LNX1: variants seen among roughly 807,000 people sequenced by gnomAD.
LNX1 encodes the protein ligand of numb-protein X 1.
Under a neutral mutation model 68.4 loss-of-function variants are expected in LNX1, and 54 were observed. The observed-to-expected ratio is 0.79, with a 90% confidence interval of 0.63 to 0.99. The LOEUF is 0.99. Ranked by LOEUF, LNX1 falls within the 50% of genes least tolerant of loss-of-function variation. LNX1 has a pLI of 0.00. For missense variants in LNX1, 906 were observed against 926.4 expected (o/e 0.98, Z 0.29); for synonymous variants, 336 against 350.0 (o/e 0.96, Z 0.45).
intron 4 of LNX1, among the ~76,000 whole-genome samples, chr4:53,504,269 A>C (rs1725718239): frequency 6.6e-6 from 1 of 152,250 alleles, no homozygotes; most frequent in Non-Finnish European, 1.5e-5. Context: ...GCTTCGCTAC[A>C]ATCTGCATTT....
chr4:53,548,112 G>A (rs1056551570), intron 2 of LNX1, among the ~76,000 whole-genome samples: 1 of 133,602 alleles, frequency 7.5e-6, no homozygotes, highest in African/African-American at 3.0e-5. Context: ...CACAGAAGGA[G>A]TGATGGTTGA....
chr4:53,577,198 A>G (rs1731547286), intron 1 of LNX1, among the ~76,000 whole-genome samples: 1 of 152,226 alleles, frequency 6.6e-6, no homozygotes, highest in Non-Finnish European at 1.5e-5. Context: ...ACAAACATGA[A>G]AATGGAAATG....
At chr4:53,464,235 C>T (rs1407376908) in intron 9 of LNX1, among the ~76,000 whole-genome samples, 1 of 152,024 alleles carries the variant, frequency 6.6e-6, no homozygotes, top group Non-Finnish European at 1.5e-5. Context: ...TGAACTATGA[C>T]CATTAACTTA....
chr4:53,472,487 TAAAA>T (rs537634566), intron 9 of LNX1, among the ~76,000 whole-genome samples: 1 of 148,562 alleles, frequency 6.7e-6, no homozygotes, highest in Non-Finnish European at 1.5e-5. Flanking sequence ...TAAAGTATAA[TAAAA>T]AAAAGAAGAA....
chr4:53,463,122 T>C (rs1560607960), intron 9 of LNX1, among the ~76,000 whole-genome samples: 1 of 152,168 alleles, frequency 6.6e-6, no homozygotes. Context: ...GAGTATACTT[T>C]TACTGAATAT....
intron 1 of LNX1, among the ~76,000 whole-genome samples, chr4:53,583,170 G>A (rs1438287476): frequency 1.3e-5 from 2 of 152,128 alleles, no homozygotes; most frequent in Non-Finnish European, 2.9e-5. Context: ...TTTTATAAAG[G>A]CCAATTGTAA....
At chr4:53,611,007 A>G (rs1733472238) in intron 2 of LNX1, among the ~76,000 whole-genome samples, 1 of 152,076 alleles carries the variant, frequency 6.6e-6, no homozygotes, top group Non-Finnish European at 1.5e-5. Flanking sequence ...ATGAAACTTG[A>G]TGGTAGCAAA....
At chr4:53,619,715 T>G (rs1733798818), upstream of LNX1, among the ~76,000 whole-genome samples, 1 of 152,220 alleles carries the variant, frequency 6.6e-6, no homozygotes, top group African/African-American at 2.4e-5. Flanking sequence ...TCAATTCTAC[T>G]GGACATAAAC....
In LNX1 at chr4:53,591,400, C is replaced by T. The variant is rs1732498031; in HGVS notation, c.-99G>A. ...GGTTTCAACTCACCTCTTCAAGCGA[C>T]TGTCTGGGGCTCTCCAAGCAGCAGC... On this transcript the variant is annotated 5_prime_UTR_variant, in exon 1 of 11. Coordinates refer to ENST00000263925, the MANE Select transcript of LNX1 (RefSeq NM_001126328.3). 1.0e-6 allele frequency: 1 copy of T among 985,552 alleles called. No individual in the cohort carries two copies. The highest frequency in any genetic ancestry group is 1.2e-6 in the Non-Finnish European group (1 of 830,050). 61.1% of individuals were successfully genotyped at this position (985,552 alleles called of 1,614,324 possible).
At chr4:53,573,084 C>A (rs1028784800) in intron 2 of LNX1, among the ~76,000 whole-genome samples, 4 of 152,116 alleles carry the variant, frequency 2.6e-5, no homozygotes, top group Non-Finnish European at 4.4e-5. Context: ...GCTCATACAC[C>A]CTCTCTGGTA....
intron 6 of LNX1, among the ~76,000 whole-genome samples, chr4:53,486,295 A>T (rs572874024): frequency 4.0e-5 from 5 of 126,230 alleles, no homozygotes; most frequent in Middle Eastern, 4.1e-3. Context: ...GGCAGAGCGC[A>T]CTACAGCCCC....
At chr4:53,607,362 A>G (rs1185819110) in intron 2 of LNX1, among the ~76,000 whole-genome samples, 2 of 152,142 alleles carry the variant, frequency 1.3e-5, no homozygotes, top group African/African-American at 4.8e-5. Flanking sequence ...CTCATTCACG[A>G]TGGTCACGAA....
chr4:53,573,706 G>C lies in LNX1; in HGVS notation c.297C>G (p.Asn99Lys). ...KSSILVNKLL[N>K]KLLVTCPFRE... is the part of the protein sequence containing the mutation. Reference sequence around the variant, plus strand: ...TGAATGGGCAGGTCACCAGTAGCTTGTTGAGGAGTTTGTTGACCAGGATGC... The same window carrying C: ...TGAATGGGCAGGTCACCAGTAGCTTCTTGAGGAGTTTGTTGACCAGGATGC... The change falls in exon 2 of 11, where the codon AAC becomes AAG. Residue 99 changes from asparagine to lysine, a missense_variant. Transcript: ENST00000263925. 1 of 1,610,942 alleles carries C rather than the reference G, an allele frequency of 6.2e-7. No individual in the cohort carries two copies.
At chr4:53,464,036 T>TTTCA (rs1038866681) in intron 9 of LNX1, among the ~76,000 whole-genome samples, 3 of 152,018 alleles carry the variant, frequency 2.0e-5, no homozygotes, top group African/African-American at 7.2e-5. Flanking sequence ...ATTTTAAATT[T>TTTCA]TTCATTGCTA....
At chr4:53,522,196 C>T (rs1727274192) in intron 2 of LNX1, among the ~76,000 whole-genome samples, 1 of 152,150 alleles carries the variant, frequency 6.6e-6, no homozygotes, top group Non-Finnish European at 1.5e-5. Flanking sequence ...TCAAACCCAT[C>T]TCTACCACAG....
At chr4:53,469,925 G>A (rs1388548936) in intron 9 of LNX1, among the ~76,000 whole-genome samples, 3 of 152,114 alleles carry the variant, frequency 2.0e-5, no homozygotes, top group African/African-American at 7.2e-5. Flanking sequence ...AGGAGGAGCT[G>A]GTACCATTCC....
intron 2 of LNX1, among the ~76,000 whole-genome samples, chr4:53,515,324 A>G (rs1407352330): frequency 6.6e-6 from 1 of 152,214 alleles, no homozygotes; most frequent in Non-Finnish European, 1.5e-5. Context: ...AATTGATCTG[A>G]GCAACTGTCA....
intron 2 of LNX1, among the ~76,000 whole-genome samples, chr4:53,552,929 T>C (rs1729619244): frequency 6.6e-6 from 1 of 152,060 alleles, no homozygotes; most frequent in Admixed American, 6.6e-5. Context: ...TCAAGTACAG[T>C]GCTGCATCCT....
chr4:53,571,521 G>A (rs1731170906), intron 2 of LNX1, among the ~76,000 whole-genome samples: 1 of 152,108 alleles, frequency 6.6e-6, no homozygotes, highest in Non-Finnish European at 1.5e-5. Context: ...AGCCAAGGAA[G>A]ACAGGCAGCA....
Sources: allele counts gnomAD v4.1 joint callset (sites outside exome capture counted in the v4.1 genomes callset), GRCh38; gene constraint gnomAD v4.1.1; transcripts MANE v1.5; gene names NCBI Gene and HGNC (gene_info 2026-07-23, HGNC 2026-07-21).